GABRB1: variants seen among roughly 807,000 people sequenced by gnomAD.
The protein encoded by GABRB1 is gamma-aminobutyric acid receptor subunit beta-1.
A neutral mutation model predicts 51.6 loss-of-function variants in GABRB1; 17 were observed. The observed-to-expected ratio is 0.33, with a 90% CI of 0.23 to 0.49. GABRB1 has a LOEUF of 0.49. GABRB1 is among the 20% of genes least tolerant of loss of function. The pLI, the probability that GABRB1 is intolerant of heterozygous loss-of-function variation, is 0.99. For missense variants in GABRB1, 410 were observed against 600.6 expected (o/e 0.68, Z 3.32); for synonymous variants, 247 against 218.9 (o/e 1.13, Z -1.14).
At chr4:47,358,378 T>C (rs2110006984) in intron 5 of GABRB1, among the ~76,000 whole-genome samples, 1 of 151,862 alleles carries the variant, frequency 6.6e-6, no homozygotes, top group South Asian at 2.1e-4. Flanking sequence ...TATATGTGTG[T>C]GTGTATATAT....
chr4:47,113,834 C>T lies in GABRB1; in HGVS notation c.241-47415C>T, dbSNP rs180692375. 1.1e-3 allele frequency among the ~76,000 whole-genome samples: 162 copies of T among 152,324 alleles called. 1 individual carries two copies. Among genetic ancestry groups the T allele is most frequent in the African/African-American group, 3.7e-3 (155 of 41,586 alleles). On this transcript the variant is annotated intron_variant, in intron 3 of 8. Coordinates refer to ENST00000295454, the MANE Select transcript of GABRB1 (RefSeq NM_000812.4). ...TTCTATTTTTCAATTTATTCAGCCC[C>T]GCAGTTCTGTTTTCAATTTATTCTC...
At chr4:47,146,686 G>A (rs914567945) in intron 3 of GABRB1, among the ~76,000 whole-genome samples, 8 of 152,012 alleles carry the variant, frequency 5.3e-5, no homozygotes, top group Non-Finnish European at 1.0e-4. Context: ...TGTAAGAATT[G>A]TTGATACAGG....
chr4:47,108,916 G>A (rs1001214827), intron 3 of GABRB1, among the ~76,000 whole-genome samples: 25 of 152,002 alleles, frequency 1.6e-4, no homozygotes, highest in Admixed American at 1.2e-3. Context: ...AGCTACTAGA[G>A]TAAACTTTGA....
chr4:47,167,391 A>T (rs1718233531), intron 4 of GABRB1, among the ~76,000 whole-genome samples: 1 of 151,864 alleles, frequency 6.6e-6, no homozygotes, highest in African/African-American at 2.4e-5. Context: ...CATTTAGTGG[A>T]GCATTTAACC....
At chr4:47,319,553 G>C (rs1010556094) in intron 4 of GABRB1, among the ~76,000 whole-genome samples, 2 of 152,246 alleles carry the variant, frequency 1.3e-5, no homozygotes, top group Non-Finnish European at 2.9e-5. Flanking sequence ...GGGTCATGGT[G>C]TATATTGTTT....
At chr4:47,081,903 G>C (rs1226021528) in intron 3 of GABRB1, among the ~76,000 whole-genome samples, 1 of 151,932 alleles carries the variant, frequency 6.6e-6, no homozygotes, top group Non-Finnish European at 1.5e-5. Flanking sequence ...TCATGTAAGT[G>C]GTTTTATTTC....
chr4:46,995,752 T>A (rs1408383166), intron 1 of GABRB1, among the ~76,000 whole-genome samples: 1 of 152,222 alleles, frequency 6.6e-6, no homozygotes, highest in East Asian at 1.9e-4. Context: ...AATACACATA[T>A]CAAAAAATTA....
At chr4:47,347,651 C>T (rs1726151913) in intron 5 of GABRB1, among the ~76,000 whole-genome samples, 1 of 152,076 alleles carries the variant, frequency 6.6e-6, no homozygotes, top group African/African-American at 2.4e-5. Context: ...AAAATGATGT[C>T]TGACTTGCTT....
chr4:47,031,812 G>A lies in GABRB1; in HGVS notation c.80+81G>A. The stretch of plus-strand genomic sequence containing the variant: ...TATGTTTCTTTTTACGTGTCTGCTG[G>A]ATCATGTATCTTGTTGTTTGGGGGT... On this transcript the variant is annotated intron_variant, in intron 1 of 8. Coordinates refer to ENST00000295454, the MANE Select transcript of GABRB1 (RefSeq NM_000812.4). The A allele has an allele frequency of 7.4e-6, 11 of 1,495,586 alleles. No individual in the cohort carries two copies. In the South Asian group the frequency reaches 1.2e-4, roughly 17 times the overall value. The allele number at this position is 1,495,586 out of a possible 1,614,324, so 92.6% of individuals were successfully genotyped here.
In GABRB1 at chr4:47,054,049, C is replaced by CT. The variant is rs570838719; in HGVS notation, c.240+21571dup. ...AGTAGCTGCCTAAATGTAAAATTGA[C>CT]TTTTTTAAAAAAAAAAAGCTCATTA... On this transcript the variant is annotated intron_variant, in intron 3 of 8. Transcript: ENST00000295454. 5.4e-3 allele frequency among the ~76,000 whole-genome samples: 817 copies of CT among 150,470 alleles called. 7 individuals are homozygous for CT. The highest frequency in any genetic ancestry group is 0.01 in the Middle Eastern group (3 of 292).
At chr4:47,366,126 GTTCCCATTTTGAACAA>G (rs1726972727) in intron 5 of GABRB1, among the ~76,000 whole-genome samples, 1 of 152,106 alleles carries the variant, frequency 6.6e-6, no homozygotes, top group African/African-American at 2.4e-5. Flanking sequence ...CTCAACATAG[GTTCCCATTTTGAACAA>G]TTCCAGGTCT....
chr4:47,141,642 T>C (rs1716941336), intron 3 of GABRB1, among the ~76,000 whole-genome samples: 2 of 152,002 alleles, frequency 1.3e-5, no homozygotes, highest in African/African-American at 4.8e-5. Context: ...TTAATTTTTC[T>C]GAAGCTGGCA....
chr4:47,344,146 G>A (rs1436458310), intron 5 of GABRB1, among the ~76,000 whole-genome samples: 1 of 152,184 alleles, frequency 6.6e-6, no homozygotes, highest in Non-Finnish European at 1.5e-5. Context: ...CATTAACCCT[G>A]TCTTCTAATT....
intron 4 of GABRB1, among the ~76,000 whole-genome samples, chr4:47,164,447 AT>A (rs2109743246): frequency 6.6e-6 from 1 of 152,174 alleles, no homozygotes; most frequent in African/African-American, 2.4e-5. Context: ...TTATAGCTGT[AT>A]TTATTTTAGG....
At chr4:47,201,327 C>T (rs367614485) in intron 4 of GABRB1, among the ~76,000 whole-genome samples, 1 of 152,072 alleles carries the variant, frequency 6.6e-6, no homozygotes. Flanking sequence ...TATACTTTAT[C>T]TAAAAAAAGA....
At chr4:47,343,807 T>C (rs776149985) in intron 5 of GABRB1, among the ~76,000 whole-genome samples, 1 of 152,216 alleles carries the variant, frequency 6.6e-6, no homozygotes, top group Non-Finnish European at 1.5e-5. Context: ...CACGTATTCA[T>C]ATTATCCTCA....
At chr4:47,291,201 A>G (rs1278098628) in intron 4 of GABRB1, among the ~76,000 whole-genome samples, 1 of 152,214 alleles carries the variant, frequency 6.6e-6, no homozygotes, top group Non-Finnish European at 1.5e-5. Context: ...GGCAAGGTAC[A>G]GCTCAGGCTG....
At chr4:47,250,040 T>G (rs1360485007) in intron 4 of GABRB1, among the ~76,000 whole-genome samples, 4 of 152,190 alleles carry the variant, frequency 2.6e-5, no homozygotes, top group African/African-American at 7.2e-5. Context: ...TTTTGTTTTA[T>G]AGGTCTTGTG....
chr4:47,075,251 A>G (rs183639155), intron 3 of GABRB1, among the ~76,000 whole-genome samples: 209 of 152,268 alleles, frequency 1.4e-3, no homozygotes, highest in African/African-American at 4.8e-3. Context: ...GGACAATGCC[A>G]TAGGTACCAG....
Sources: allele counts gnomAD v4.1 joint callset (sites outside exome capture counted in the v4.1 genomes callset), GRCh38; gene constraint gnomAD v4.1.1; transcripts MANE v1.5; gene names NCBI Gene and HGNC (gene_info 2026-07-23, HGNC 2026-07-21).